PPP6R3: variants seen among roughly 807,000 people sequenced by gnomAD.
PPP6R3 encodes protein phosphatase 6 regulatory subunit 3.
A neutral mutation model predicts 110.7 loss-of-function variants in PPP6R3; 38 were observed. The observed-to-expected ratio is 0.34, with a 90% confidence interval of 0.26 to 0.45. The LOEUF (loss-of-function observed/expected upper bound fraction) is 0.45, where lower values mean the gene tolerates loss of function less well. PPP6R3 is among the 20% of genes least tolerant of loss of function. The probability of loss-of-function intolerance (pLI) is 1.00; values close to 1 mark genes in which losing one functional copy is unlikely to be tolerated. For missense variants in PPP6R3, 870 were observed against 1,062.4 expected (o/e 0.82, Z 2.52); for synonymous variants, 369 against 373.5 (o/e 0.99, Z 0.14).
Position 68,609,968 on chromosome 11 carries a change from A to T in PPP6R3, c.2515A>T (p.Thr839Ser). The change falls in exon 23 of 24, where the codon ACT (threonine) becomes TCT (serine). Residue 839 changes from threonine (T) to serine (S), a missense_variant. Thr to Ser is a moderately conservative substitution (Grantham distance 58, BLOSUM62 1). Coordinates refer to ENST00000393800, the MANE Select transcript of PPP6R3 (RefSeq NM_001164161.2). ...ACKDAEECPE[T>S]AEAKCAAPRP... ...TAAAGACGCAGAGGAGTGTCCCGAGACTGCAGAGGCGAAGTGCGCGGCGCC... is the reference window on the plus strand; with the variant it reads ...TAAAGACGCAGAGGAGTGTCCCGAGTCTGCAGAGGCGAAGTGCGCGGCGCC... 1 of 1,614,206 alleles carries T rather than the reference A, an allele frequency of 6.2e-7. No individual in the cohort carries two copies. Among genetic ancestry groups the T allele is most frequent in the South Asian group, 1.1e-5 (1 of 91,084 alleles).
At chr11:68,563,105 A>G (rs912915951) in intron 8 of PPP6R3, among the ~76,000 whole-genome samples, 4 of 78,792 alleles carry the variant, frequency 5.1e-5, no homozygotes, top group Admixed American at 1.3e-4. Flanking sequence ...ATCTCTACCG[A>G]AAAAAAAAAA....
At chr11:68,496,286 A>G (rs533218998) in intron 1 of PPP6R3, among the ~76,000 whole-genome samples, 12 of 150,608 alleles carry the variant, frequency 8.0e-5, no homozygotes, top group African/African-American at 2.7e-4. Flanking sequence ...TTGGCTTCCC[A>G]AAGTTGTTGG....
chr11:68,466,655 C>G (rs1010777667), intron 1 of PPP6R3, among the ~76,000 whole-genome samples: 3 of 151,772 alleles, frequency 2.0e-5, no homozygotes, highest in African/African-American at 4.8e-5. Flanking sequence ...CACTGTCGCC[C>G]GGGCTGGAGT....
intron 6 of PPP6R3, among the ~76,000 whole-genome samples, chr11:68,552,709 C>G (rs138420182): frequency 6.6e-6 from 1 of 152,180 alleles, no homozygotes; most frequent in Non-Finnish European, 1.5e-5. Flanking sequence ...TGGCCTGCCC[C>G]GTTGACAGGG....
intron 3 of PPP6R3, 143 bp downstream of exon 3, chr11:68,538,034 C>T (rs377458289): frequency 1.8e-6 from 1 of 563,570 alleles, no homozygotes; most frequent in Middle Eastern, 2.7e-4. Flanking sequence ...CTCGGTGGAG[C>T]GCAAAATCCA....
At chr11:68,488,021 G>A (rs1591866894) in intron 1 of PPP6R3, among the ~76,000 whole-genome samples, 1 of 152,130 alleles carries the variant, frequency 6.6e-6, no homozygotes, top group Admixed American at 6.5e-5. Context: ...ATCAGTTTTT[G>A]CCTCATGTAT....
At chr11:68,515,607 T>C (rs2099132616) in intron 1 of PPP6R3, among the ~76,000 whole-genome samples, 1 of 152,204 alleles carries the variant, frequency 6.6e-6, no homozygotes. Flanking sequence ...GCATTCGGGA[T>C]TGTGGCATTC....
At chr11:68,549,284 T>A (rs1350496279) in intron 5 of PPP6R3, among the ~76,000 whole-genome samples, 1 of 152,246 alleles carries the variant, frequency 6.6e-6, no homozygotes, top group African/African-American at 2.4e-5. Flanking sequence ...AACTTACTCA[T>A]TTCTTTGGAA....
rs1238043435 is a variant in PPP6R3 at position 68,542,366 on chromosome 11, CT to C, written c.228-2469del. ...CTTGCCGAGGGTGGAGTGGAGGCAT[CT>C]TTGGGTGCTTGAGAAGCTGCTGTTT... On this transcript the variant is annotated intron_variant, in intron 3 of 23. Coordinates refer to ENST00000393800, the MANE Select transcript of PPP6R3 (RefSeq NM_001164161.2). 9.5e-5 allele frequency among the ~76,000 whole-genome samples: 10 copies of C among 105,020 alleles called. No individual in the cohort carries two copies. In the East Asian group the frequency reaches 2.7e-3, roughly 28 times the overall value. 68.9% of individuals were successfully genotyped at this position (105,020 alleles called of 152,430 possible). A position where few individuals can be genotyped will look rare whatever the true frequency, so the allele number is the denominator to read the frequency against.
intron 2 of PPP6R3, among the ~76,000 whole-genome samples, chr11:68,534,297 A>G (rs1317583958): frequency 6.6e-6 from 1 of 152,224 alleles, no homozygotes; most frequent in Non-Finnish European, 1.5e-5. Context: ...ACTTTTCTGC[A>G]AAAGACCAAG....
intron 18 of PPP6R3, among the ~76,000 whole-genome samples, chr11:68,594,299 G>GGA (rs748973539): frequency 0.046 from 6,427 of 139,140 alleles, 134 homozygotes; most frequent in Middle Eastern, 0.1. Context: ...AGAGGAGAGA[G>GGA]GAGAGAGAGA....
chr11:68,608,034 TA>T (rs55705439), intron 22 of PPP6R3, among the ~76,000 whole-genome samples: 51,077 of 134,798 alleles, frequency 0.38, 9,493 homozygotes, highest in African/African-American at 0.5. Context: ...AGGACTTCTT[TA>T]AAAAAAAAAA....
chr11:68,470,041 C>T (rs144383008), intron 1 of PPP6R3, among the ~76,000 whole-genome samples: 3 of 152,262 alleles, frequency 2.0e-5, no homozygotes, highest in African/African-American at 7.2e-5. Context: ...TCCTTTTATT[C>T]AGATGTTTGA....
Position 68,576,394 on chromosome 11 carries a change from G to C in PPP6R3, c.1545+351G>C, listed in dbSNP as rs956895229. Reference sequence around the variant, plus strand: ...GTGGCCACATGCCACTGATAACCCTGGGTGCTTAGGAAAGCGAAAGATTCA... The same window carrying C: ...GTGGCCACATGCCACTGATAACCCTCGGTGCTTAGGAAAGCGAAAGATTCA... On this transcript the variant is annotated intron_variant, in intron 14 of 23. Coordinates refer to ENST00000393800, the MANE Select transcript of PPP6R3 (RefSeq NM_001164161.2). Among the ~76,000 whole-genome samples the C allele has an allele frequency of 3.3e-5, 5 of 152,160 alleles. No homozygotes were observed. In the East Asian group the frequency reaches 5.8e-4, roughly 18 times the overall value.
intron 1 of PPP6R3, among the ~76,000 whole-genome samples, chr11:68,469,762 T>G (rs1367247735): frequency 6.6e-6 from 1 of 152,136 alleles, no homozygotes; most frequent in Non-Finnish European, 1.5e-5. Context: ...TATTAAACAT[T>G]AGAACTGACA....
intron 14 of PPP6R3, among the ~76,000 whole-genome samples, chr11:68,579,833 G>A (rs1433153530): frequency 3.3e-5 from 5 of 152,230 alleles, no homozygotes; most frequent in Admixed American, 1.3e-4. Context: ...GTGCAGTACT[G>A]TGCTGTGCAG....
At chr11:68,534,397 T>C (rs1214453161) in intron 2 of PPP6R3, among the ~76,000 whole-genome samples, 3 of 152,184 alleles carry the variant, frequency 2.0e-5, no homozygotes, top group African/African-American at 7.2e-5. Flanking sequence ...AATGTCAAAA[T>C]CATTCATAAC....
chr11:68,590,629 C>T, intron 16 of PPP6R3, 31 bp from the exon 17 acceptor site: 1 of 1,530,268 alleles, frequency 6.5e-7, no homozygotes, highest in Non-Finnish European at 8.9e-7. Flanking sequence ...GTAATTAATG[C>T]TTCCTACACT....
chr11:68,573,392 C>G (rs1000470785), intron 12 of PPP6R3, among the ~76,000 whole-genome samples: 3 of 151,864 alleles, frequency 2.0e-5, no homozygotes, highest in African/African-American at 7.3e-5. Context: ...CTCAAGTGAT[C>G]CACCTGTGTT....
Sources: gnomAD v4.1 joint callset for allele counts (sites outside exome capture counted in the v4.1 genomes callset) on GRCh38, gnomAD v4.1.1 for gene constraint, MANE v1.5 for transcripts, NCBI Gene and HGNC (gene_info 2026-07-23, HGNC 2026-07-21) for gene names.